Variants in DNAH14 observed in about 807,000 individuals in gnomAD.
DNAH14 encodes the protein dynein axonemal heavy chain 14, also known as axonemal beta dynein heavy chain 14.
Under a neutral mutation model 520.9 loss-of-function variants are expected in DNAH14, and 478 were observed. That is an observed-to-expected ratio of 0.92 (90% CI 0.85 to 0.99). The LOEUF (loss-of-function observed/expected upper bound fraction) is 0.99, where lower values mean the gene tolerates loss of function less well. Ranked by LOEUF, DNAH14 falls within the 50% of genes least tolerant of loss-of-function variation. DNAH14 has a pLI of 0.00. For synonymous variants in DNAH14, 1,581 were observed against 1,757.2 expected (o/e 0.90, Z 2.51); for missense variants, 4,831 against 5,234.5 (o/e 0.92, Z 2.38).
chr1:225,333,309 A>G lies in DNAH14; in HGVS notation c.9883A>G (p.Ile3295Val). The change falls in exon 66 of 86, where the codon ATC becomes GTC. Residue 3295 changes from isoleucine to valine, a missense_variant. Ile to Val is a conservative substitution (Grantham distance 29). Coordinates refer to ENST00000682510, the MANE Select transcript of DNAH14 (RefSeq NM_001367479.1). Reference protein sequence around the residue: ...EDEKTRWQETINQIDNKLEGI... With the variant: ...EDEKTRWQETVNQIDNKLEGI... ...CATTTAGACTCGATGGCAAGAAACAATCAATCAAATAGATAACAAATTAGA... is the reference window on the plus strand; with the variant it reads ...CATTTAGACTCGATGGCAAGAAACAGTCAATCAAATAGATAACAAATTAGA... 1.3e-6 allele frequency: 2 copies of G among 1,548,738 alleles called. No homozygotes were observed. Among genetic ancestry groups the G allele is most frequent in the African/African-American group, 1.4e-5 (1 of 73,066 alleles).
intron 41 of DNAH14, among the ~76,000 whole-genome samples, chr1:225,217,620 C>A (rs1279179004): frequency 6.6e-6 from 1 of 152,200 alleles, no homozygotes; most frequent in Non-Finnish European, 1.5e-5. Context: ...CCTCCCCCAG[C>A]CTCACTGCCA....
chr1:225,374,257 TATATA>T (rs1162671234), intron 77 of DNAH14, among the ~76,000 whole-genome samples: 3 of 102,752 alleles, frequency 2.9e-5, no homozygotes, highest in African/African-American at 1.0e-4. Context: ...TCTATATATA[TATATA>T]TATATATATT....
chr1:225,243,315 G>A (rs2092081278), intron 43 of DNAH14, among the ~76,000 whole-genome samples: 1 of 151,924 alleles, frequency 6.6e-6, no homozygotes, highest in South Asian at 2.1e-4. Flanking sequence ...GGTAAAAAGG[G>A]AAGGAAAGGC....
chr1:224,940,304 G>T (rs2059325354), intron 1 of DNAH14, among the ~76,000 whole-genome samples: 2 of 152,156 alleles, frequency 1.3e-5, no homozygotes, highest in South Asian at 4.1e-4. Context: ...ACAGTATTCT[G>T]TTGGTCAAAG....
intron 8 of DNAH14, among the ~76,000 whole-genome samples, 179 bp downstream of exon 8, chr1:224,974,332 G>T (rs2501142): frequency 0.092 from 13,990 of 152,104 alleles, 2,081 homozygotes; most frequent in African/African-American, 0.31. Context: ...GTGTTTTGCA[G>T]TGTACCATTC....
chr1:225,145,509 G>A (rs2079851530), intron 30 of DNAH14, 130 bp downstream of exon 30: 1 of 676,082 alleles, frequency 1.5e-6, no homozygotes, highest in Middle Eastern at 4.2e-4. Flanking sequence ...AACTTTAAAT[G>A]CTGTTACTTC....
At position 225,140,924 on chromosome 1, in the gene DNAH14, C is replaced by A; in HGVS notation, c.4411C>A (p.Leu1471Ile). 1 of 1,551,340 alleles carries A rather than the reference C, an allele frequency of 6.4e-7. No homozygotes were observed. Among genetic ancestry groups the A allele is most frequent in the East Asian group, 2.4e-5 (1 of 40,884 alleles). The change falls in exon 28 of 86, where the codon CTA (leucine) becomes ATA (isoleucine). Residue 1471 changes from leucine to isoleucine, a missense_variant. By Grantham distance (5) the Leu-to-Ile change is conservative. Transcript: ENST00000682510. ...TAGTAACTCTCGAACAAAAGCTATA[C>A]TAGGGGCATTGCTTATCCTTTATGT... ...DTSNSRTKAI[L>I]GALLILYVHC...
intron 54 of DNAH14, among the ~76,000 whole-genome samples, chr1:225,285,877 A>G (rs770357818): frequency 6.6e-6 from 1 of 152,194 alleles, no homozygotes; most frequent in African/African-American, 2.4e-5. Context: ...AAATAAATGA[A>G]GAAACAGTTA....
chr1:225,034,847 T>C (rs1159517840), intron 11 of DNAH14, among the ~76,000 whole-genome samples: 3 of 152,178 alleles, frequency 2.0e-5, no homozygotes, highest in Non-Finnish European at 4.4e-5. Context: ...CTAGATTTTC[T>C]AGTTTGTGTG....
At position 225,322,752 on chromosome 1, in the gene DNAH14, A is replaced by G; in HGVS notation, c.9424A>G (p.Lys3142Glu). Residue 3142 changes from lysine to glutamate, a missense_variant, in exon 62 of 86, where the codon AAG (lysine) becomes GAG (glutamate). Transcript: ENST00000682510. ...LQKKPNWATA[K>E]LLLSETGFLK... ...AAAGAAACCTAACTGGGCAACGGCA[A>G]AGTTACTTCTTTCAGAAACTGGTTT... 1 of 1,551,782 alleles carries G rather than the reference A, an allele frequency of 6.4e-7. No homozygotes were observed. Among genetic ancestry groups the G allele is most frequent in the Admixed American group, 2.0e-5 (1 of 51,004 alleles).
intron 27 of DNAH14, among the ~76,000 whole-genome samples, chr1:225,127,046 A>G (rs1465261184): frequency 1.3e-5 from 2 of 150,888 alleles, no homozygotes; most frequent in Non-Finnish European, 3.0e-5. Context: ...CCTGAGTTCT[A>G]GTTTGATTGC....
rs1226769849 is a variant in DNAH14, at chr1:225,388,389, A to T, written c.13088A>T (p.Tyr4363Phe). Residue 4363 changes from tyrosine (Y) to phenylalanine (F), a missense_variant, in exon 82 of 86, where the codon TAC (tyrosine) becomes TTC (phenylalanine). By Grantham distance (22) the Tyr-to-Phe change is conservative. Transcript: ENST00000682510. ...TTTAAATCCCAACAGAAACACGCCTACAGATCTTGTAAGCCACTGAGTTCC... is the reference window on the plus strand; with the variant it reads ...TTTAAATCCCAACAGAAACACGCCTTCAGATCTTGTAAGCCACTGAGTTCC... Reference protein sequence around the residue: ...RVPTLWQKHAYRSCKPLSSWI... With the variant: ...RVPTLWQKHAFRSCKPLSSWI... 1.3e-6 allele frequency: 2 copies of T among 1,518,994 alleles called. No individual in the cohort carries two copies. The highest frequency in any genetic ancestry group is 1.8e-6 in the Non-Finnish European group (2 of 1,121,468). 94.1% of individuals were successfully genotyped at this position (1,518,994 alleles called of 1,614,324 possible).
chr1:225,040,834 G>A (rs1441193108), intron 12 of DNAH14, among the ~76,000 whole-genome samples: 3 of 152,070 alleles, frequency 2.0e-5, no homozygotes, highest in Non-Finnish European at 1.5e-5. Context: ...ATGACCTTTA[G>A]CAATTCATAA....
intron 38 of DNAH14, among the ~76,000 whole-genome samples, chr1:225,201,531 T>C (rs956782007): frequency 6.6e-6 from 1 of 152,204 alleles, no homozygotes; most frequent in Non-Finnish European, 1.5e-5. Context: ...AGACTGTTGT[T>C]CACATTCTTT....
Position 225,079,672 on chromosome 1 carries a change from CTTTTTTTT to C in DNAH14, c.2766+136_2766+143del, listed in dbSNP as rs58242386. ...GGCTAAATAGTTTAATACAAGTATT[CTTTTTTTT>C]TTTTTTTTTTTGAGATGGAGTCTTG... On this transcript the variant is annotated intron_variant, in intron 18 of 85. Coordinates refer to ENST00000682510, the MANE Select transcript of DNAH14 (RefSeq NM_001367479.1). 361 of 326,674 alleles carry C rather than the reference CTTTTTTTT, an allele frequency of 1.1e-3. 1 individual carries two copies. The highest frequency in any genetic ancestry group is 1.6e-3 in the Non-Finnish European group (313 of 199,030). The allele number at this position is 326,674 out of a possible 1,614,324, so 20.2% of individuals were successfully genotyped here. A position where few individuals can be genotyped will look rare whatever the true frequency, so the allele number is the denominator to read the frequency against.
intron 41 of DNAH14, among the ~76,000 whole-genome samples, chr1:225,222,288 G>C (rs1265379267): frequency 6.6e-6 from 1 of 152,208 alleles, no homozygotes; most frequent in Admixed American, 6.5e-5. Context: ...TGGGACAACA[G>C]TTATCAGCTC....
At chr1:225,094,394 ATGGAATAAC>A (rs1187247215) in intron 21 of DNAH14, among the ~76,000 whole-genome samples, 8 of 151,974 alleles carry the variant, frequency 5.3e-5, no homozygotes, top group African/African-American at 4.8e-5. Context: ...TTTATATTCT[ATGGAATAAC>A]TGGAATAACT....
rs201015646 is a variant in DNAH14, at chr1:225,082,722, A to G, written c.3310A>G (p.Asn1104Asp). ...GCTTGATAAAAACTGTAAAGTAGAG[A>G]ATCTTCTAGCTCTCAAGGTAAATAA... Reference protein sequence around the residue: ...VPLDKNCKVENLLALKMFQYE... With the variant: ...VPLDKNCKVEDLLALKMFQYE... Residue 1104 changes from asparagine (N) to aspartate (D), a missense_variant, in exon 20 of 86, where the codon AAT becomes GAT. Transcript: ENST00000682510. The G allele has an allele frequency of 6.5e-7, 1 of 1,547,058 alleles. No homozygotes were observed. Among genetic ancestry groups the G allele is most frequent in the African/African-American group, 1.4e-5 (1 of 72,820 alleles).
chr1:225,057,878 C>A (rs1464082720), intron 17 of DNAH14, among the ~76,000 whole-genome samples: 1 of 152,194 alleles, frequency 6.6e-6, no homozygotes, highest in Non-Finnish European at 1.5e-5. Flanking sequence ...AGGCATGAAG[C>A]CCACTTGATC....
Sources: allele counts gnomAD v4.1 joint callset (sites outside exome capture counted in the v4.1 genomes callset), GRCh38; gene constraint gnomAD v4.1.1; transcripts MANE v1.5; gene names NCBI Gene and HGNC (gene_info 2026-07-23, HGNC 2026-07-21).